Variants in STK3 observed in about 807,000 individuals in gnomAD.
The protein encoded by STK3 is serine/threonine kinase 3, also known as serine/threonine-protein kinase 3.
A neutral mutation model predicts 58.0 loss-of-function variants in STK3; 41 were observed. The observed-to-expected ratio is 0.71, with a 90% CI of 0.55 to 0.92. The LOEUF (loss-of-function observed/expected upper bound fraction) is 0.92, where lower values mean the gene tolerates loss of function less well. STK3 is among the 40% of genes least tolerant of loss of function. STK3 has a pLI of 0.00. For missense variants in STK3, 479 were observed against 602.7 expected (o/e 0.79, Z 2.15); for synonymous variants, 170 against 191.0 (o/e 0.89, Z 0.91).
chr8:98,534,926 ATCCC>A (rs1809634436), intron 9 of STK3, among the ~76,000 whole-genome samples: 2 of 152,200 alleles, frequency 1.3e-5, no homozygotes, highest in Non-Finnish European at 2.9e-5. Context: ...AAGGGGGATA[ATCCC>A]TTAAAGAAAT....
chr8:98,655,966 C>T (rs1821466083), intron 6 of STK3, among the ~76,000 whole-genome samples: 1 of 152,110 alleles, frequency 6.6e-6, no homozygotes, highest in Non-Finnish European at 1.5e-5. Context: ...TACCATTGAC[C>T]CAGCTATCCC....
intron 6 of STK3, among the ~76,000 whole-genome samples, chr8:98,655,646 AC>A (rs1299428593): frequency 6.6e-6 from 1 of 151,664 alleles, no homozygotes; most frequent in African/African-American, 2.4e-5. Context: ...CAAGAAAAAA[AC>A]AAACAACCCC....
At chr8:98,550,268 T>C (rs2131591758) in intron 8 of STK3, among the ~76,000 whole-genome samples, 1 of 151,982 alleles carries the variant, frequency 6.6e-6, no homozygotes, top group African/African-American at 2.4e-5. Context: ...TCAAAGTCGT[T>C]TGCACTTCTT....
intron 6 of STK3, among the ~76,000 whole-genome samples, chr8:98,692,006 T>C (rs1824449747): frequency 6.7e-6 from 1 of 149,814 alleles, no homozygotes; most frequent in Non-Finnish European, 1.5e-5. Context: ...TAATGGACAA[T>C]AAGCATATGA....
intron 3 of STK3, among the ~76,000 whole-genome samples, chr8:98,410,608 A>G (rs1003842623): frequency 1.3e-5 from 2 of 152,218 alleles, no homozygotes; most frequent in Admixed American, 1.3e-4. Context: ...ACTAATTGAT[A>G]TGGTTGATAG....
intron 4 of STK3, among the ~76,000 whole-genome samples, chr8:98,714,025 A>G (rs1349971770): frequency 6.6e-6 from 1 of 152,228 alleles, no homozygotes; most frequent in Non-Finnish European, 1.5e-5. Flanking sequence ...ACCAAAGACA[A>G]AAACCACATG....
chr8:98,450,232 C>G (rs1819140200), downstream of STK3, among the ~76,000 whole-genome samples: 1 of 152,196 alleles, frequency 6.6e-6, no homozygotes. Context: ...CTAGGTGACT[C>G]TAATTCACTT....
intron 1 of STK3, among the ~76,000 whole-genome samples, chr8:98,778,392 G>A (rs1464981193): frequency 6.6e-6 from 1 of 151,600 alleles, no homozygotes; most frequent in Non-Finnish European, 1.5e-5. Flanking sequence ...AGGTGCTGGA[G>A]AGGATGTGGA....
chr8:98,356,734 T>C, the STK3 span, among the ~76,000 whole-genome samples: 1 of 152,208 alleles, frequency 6.6e-6, no homozygotes, highest in Non-Finnish European at 1.5e-5. Flanking sequence ...GCAAATTGCA[T>C]TGTGATTTAT....
chr8:98,941,601 T>A (rs1329603390), intron 1 of STK3, among the ~76,000 whole-genome samples: 1 of 152,010 alleles, frequency 6.6e-6, no homozygotes, highest in East Asian at 1.9e-4. Flanking sequence ...AGGCTGAGAG[T>A]CAACTCCAGG....
chr8:98,607,480 A>G (rs1177804059), intron 6 of STK3, among the ~76,000 whole-genome samples: 1 of 152,244 alleles, frequency 6.6e-6, no homozygotes, highest in Non-Finnish European at 1.5e-5. Context: ...TGAATCTGTG[A>G]ATTCACAAAA....
At chr8:98,569,378 G>T (rs1812770731) in intron 8 of STK3, among the ~76,000 whole-genome samples, 1 of 151,968 alleles carries the variant, frequency 6.6e-6, no homozygotes, top group African/African-American at 2.4e-5. Context: ...ACATTCCACA[G>T]GTTGATGTTG....
At chr8:98,820,837 G>T (rs1319076915) in intron 1 of STK3, among the ~76,000 whole-genome samples, 1 of 152,106 alleles carries the variant, frequency 6.6e-6, no homozygotes, top group African/African-American at 2.4e-5. Flanking sequence ...AGTTAACCTG[G>T]TGTGGTGGCA....
intron 10 of STK3, among the ~76,000 whole-genome samples, chr8:98,464,540 T>TTA (rs71572015): frequency 1.3e-3 from 90 of 69,236 alleles, no homozygotes; most frequent in African/African-American, 4.9e-3. Context: ...TACTTAAAGT[T>TTA]AAAAAAAAAA....
chr8:98,355,720 A>T, the STK3 span, among the ~76,000 whole-genome samples: 1 of 152,218 alleles, frequency 6.6e-6, no homozygotes, highest in African/African-American at 2.4e-5. Context: ...CCCAGTATAG[A>T]TACTGCAGAA....
intron 8 of STK3, among the ~76,000 whole-genome samples, chr8:98,573,659 C>A (rs1813151059): frequency 6.6e-6 from 1 of 152,082 alleles, no homozygotes; most frequent in Non-Finnish European, 1.5e-5. Context: ...CCCCCAAAGT[C>A]TTAGCTCATT....
At chr8:98,652,887 A>C (rs1821078417) in intron 6 of STK3, among the ~76,000 whole-genome samples, 1 of 152,024 alleles carries the variant, frequency 6.6e-6, no homozygotes, top group African/African-American at 2.4e-5. Context: ...ATAATGGGAG[A>C]CTTTAACACT....
At chr8:98,688,584 C>T (rs1258548997) in intron 6 of STK3, among the ~76,000 whole-genome samples, 1 of 151,994 alleles carries the variant, frequency 6.6e-6, no homozygotes, top group African/African-American at 2.4e-5. Context: ...TTTCAGACCA[C>T]AATGGAATAA....
intron 6 of STK3, among the ~76,000 whole-genome samples, chr8:98,627,208 G>A (rs1302508212): frequency 2.0e-5 from 3 of 151,948 alleles, no homozygotes; most frequent in Non-Finnish European, 2.9e-5. Context: ...GTAAAACCCC[G>A]TCTCTACTAA....
Sources: allele counts gnomAD v4.1 joint callset (sites outside exome capture counted in the v4.1 genomes callset), GRCh38; gene constraint gnomAD v4.1.1; transcripts MANE v1.5; gene names NCBI Gene and HGNC (gene_info 2026-07-23, HGNC 2026-07-21).